SRRM2: variants seen among roughly 807,000 people sequenced by gnomAD.
SRRM2 encodes the protein serine/arginine repetitive matrix 2, also known as serine/arginine repetitive matrix protein 2.
A neutral mutation model predicts 213.8 loss-of-function variants in SRRM2; 30 were observed. The observed-to-expected ratio is 0.14, with a 90% confidence interval of 0.10 to 0.19. The LOEUF (loss-of-function observed/expected upper bound fraction) is 0.19, where lower values mean the gene tolerates loss of function less well. Among genes scored for constraint, SRRM2 ranks in the 10% least tolerant of loss-of-function variants. The pLI, the probability that SRRM2 is intolerant of heterozygous loss-of-function variation, is 1.00. For missense variants in SRRM2, 4,904 were observed against 3,647.0 expected, an observed-to-expected ratio of 1.34 and a Z score of -8.88; for synonymous variants, 2,025 against 1,377.7, an observed-to-expected ratio of 1.47 and a Z score of -10.40.
intron 1 of SRRM2, among the ~76,000 whole-genome samples, chr16:2,754,227 G>T (rs958853132): frequency 6.6e-6 from 1 of 151,752 alleles, no homozygotes; most frequent in Non-Finnish European, 1.5e-5. Flanking sequence ...GGACTAGGTG[G>T]CTCATTCCCT....
In SRRM2 at chr16:2,771,269, G is replaced by T. The variant is rs754379091; in HGVS notation, c.*402G>T. 33 of 778,354 alleles carry T rather than the reference G, an allele frequency of 4.2e-5. No homozygotes were observed. Among genetic ancestry groups the T allele is most frequent in the Non-Finnish European group, 7.0e-5 (32 of 456,810 alleles). 48.2% of individuals were successfully genotyped at this position (778,354 alleles called of 1,614,324 possible). ...TTCTTGGAAGGAAGGGGCAGGAGTT[G>T]GAATTAGTTGGTCCCTACTGTCCCC... On this transcript the variant is annotated 3_prime_UTR_variant, in exon 15 of 15. Coordinates refer to ENST00000301740, the MANE Select transcript of SRRM2 (RefSeq NM_016333.4).
chr16:2,756,974 G>A (rs1448239187), intron 2 of SRRM2, among the ~76,000 whole-genome samples: 1 of 152,192 alleles, frequency 6.6e-6, no homozygotes, highest in African/African-American at 2.4e-5. Context: ...ATAAATGGAT[G>A]TAAGGATTGA....
rs144129267 is a variant in SRRM2, at chr16:2,766,685, C to A, written c.6157C>A (p.Arg2053Ser). Residue 2053 changes from arginine (R) to serine (S), a missense_variant, in exon 11 of 15, where the codon CGC (arginine) becomes AGC (serine). Coordinates refer to ENST00000301740, the MANE Select transcript of SRRM2 (RefSeq NM_016333.4). This position sits in a 1 kb window ranked among gnomAD's most constrained non-coding sequence, Gnocchi z 7.0. ...TCGCTCACCACTTGCTATCCGCCGC[C>A]GCTCCAGATCCCGTACTCCACGAAC... is the stretch of plus-strand genomic sequence containing the variant. ...RSRSPLAIRRRSRSRTPRTAR... is the reference protein window; with the variant it reads ...RSRSPLAIRRSSRSRTPRTAR... 1 of 1,614,204 alleles carries A rather than the reference C, an allele frequency of 6.2e-7. No homozygotes were observed.
At position 2,769,247 on chromosome 16, in the gene SRRM2, C is replaced by T. The variant is rs1388903461; in HGVS notation, c.7984C>T (p.Pro2662Ser). The T allele has an allele frequency of 3.2e-6, 5 of 1,573,956 alleles. No individual in the cohort carries two copies. The highest frequency in any genetic ancestry group is 1.7e-4 in the Middle Eastern group (1 of 5,854). The change falls in exon 12 of 15, where the codon CCT becomes TCT. Residue 2662 changes from proline to serine, a missense_variant. Physicochemically the swap from Pro to Ser is moderately conservative, Grantham distance 74. Coordinates refer to ENST00000301740, the MANE Select transcript of SRRM2 (RefSeq NM_016333.4). The part of the protein sequence containing the change: ...AKPGPQALPK[P>S]ASPKKPPPGE... ...GCCTGGCCCTCAGGCCTTGCCCAAA[C>T]CTGCAAGCCCCAAGAAGCCACCCCC...
At chr16:2,757,409 T>C (rs2068183134) in intron 2 of SRRM2, 63 bp from the exon 3 acceptor site, 6 of 1,510,686 alleles carry the variant, frequency 4.0e-6, no homozygotes, top group Non-Finnish European at 5.5e-6. Context: ...ATGAGGGAAA[T>C]GGAAACCTGG....
rs1278079927 is a variant in SRRM2, at chr16:2,767,725, A to G, written c.7197A>G (p.Pro2399=). The change falls in exon 11 of 15, where the codon CCA becomes CCG. Residue 2399 remains proline (P), a synonymous_variant. Transcript: ENST00000301740. ...AGCGTGTCAGTGGCAGAACCTCACC[A>G]CCGCTCCTTGACCGAGCTAGGTCCA... is the stretch of plus-strand genomic sequence containing the variant. ...AYERVSGRTS[P]PLLDRARSRT... is the part of the protein sequence containing the mutation. 1 of 1,612,580 alleles carries G rather than the reference A, an allele frequency of 6.2e-7. No individual in the cohort carries two copies. The highest frequency in any genetic ancestry group is 1.7e-5 in the Admixed American group (1 of 59,760).
Position 2,766,549 on chromosome 16 carries a change from C to T in SRRM2, c.6021C>T (p.Arg2007=), listed in dbSNP as rs143282684. Residue 2007 remains arginine (R), a synonymous_variant, in exon 11 of 15, where the codon CGC becomes CGT. Transcript: ENST00000301740. The surrounding 1 kb of genome is among the most constrained non-coding windows in gnomAD (Gnocchi z 7.0). ...CTCCAGTAACTCGAAGAAGGTCCCG[C>T]TCTCGAACCTCACCAGTGACACGCC... is the stretch of plus-strand genomic sequence containing the variant. The part of the protein sequence containing the change: ...RTSPVTRRRS[R]SRTSPVTRRR... The T allele has an allele frequency of 2.2e-5, 36 of 1,613,724 alleles. No homozygotes were observed. Among genetic ancestry groups the T allele is most frequent in the African/African-American group, 2.7e-5 (2 of 74,882 alleles).
intron 1 of SRRM2, among the ~76,000 whole-genome samples, chr16:2,754,078 C>G (rs988545634): frequency 3.3e-5 from 5 of 152,114 alleles, no homozygotes; most frequent in African/African-American, 4.8e-5. Flanking sequence ...TTTTGCATAT[C>G]CACTGTCTAT....
intron 1 of SRRM2, among the ~76,000 whole-genome samples, chr16:2,755,971 G>C (rs2068126253): frequency 6.6e-6 from 1 of 152,140 alleles, no homozygotes; most frequent in Non-Finnish European, 1.5e-5. Context: ...TGTGCATTTT[G>C]GGGCCAAAGG....
chr16:2,763,384 A>G lies in SRRM2; in HGVS notation c.2856A>G (p.Ser952=), dbSNP rs757605458. The G allele has an allele frequency of 2.5e-6, 4 of 1,614,132 alleles. No homozygotes were observed. Among genetic ancestry groups the G allele is most frequent in the African/African-American group, 1.3e-5 (1 of 74,936 alleles). Residue 952 remains serine, a synonymous_variant, in exon 11 of 15, where the codon TCA becomes TCG. Coordinates refer to ENST00000301740, the MANE Select transcript of SRRM2 (RefSeq NM_016333.4). ...GAACAACTCCACGGCGAAGCAGATC[A>G]GTATCTCCCTGCTCCAATGTGGAAT... ...TSRTTPRRSR[S]VSPCSNVESR...
At chr16:2,770,552 T>C in intron 13 of SRRM2, 52 bp from the exon 14 acceptor site, 2 of 1,552,322 alleles carry the variant, frequency 1.3e-6, no homozygotes, top group South Asian at 2.4e-5. Flanking sequence ...TGTGGCTATG[T>C]GGTGCCTGAG....
At chr16:2,770,560 G>C in intron 13 of SRRM2, 44 bp from the exon 14 acceptor site, 1 of 1,551,264 alleles carries the variant, frequency 6.4e-7, no homozygotes, top group Non-Finnish European at 8.7e-7. Flanking sequence ...TGTGGTGCCT[G>C]AGGTGGTGCC....
chr16:2,758,589 T>A, intron 5 of SRRM2, 42 bp downstream of exon 5: 1 of 1,560,148 alleles, frequency 6.4e-7, no homozygotes, highest in Non-Finnish European at 8.8e-7. Flanking sequence ...AGAGGACCAA[T>A]CCTGTGGTGT....
Position 2,764,346 on chromosome 16 carries a change from A to T in SRRM2, c.3818A>T (p.Glu1273Val). 1 of 1,614,210 alleles carries T rather than the reference A, an allele frequency of 6.2e-7. No homozygotes were observed. ...ACAAGTAACTTTGAATCATCTCCTG[A>T]AGTAGAAGAAAGGCCTGCTGTGTCT... ...MSTSNFESSP[E>V]VEERPAVSLT... The change falls in exon 11 of 15, where the codon GAA (glutamate) becomes GTA (valine). Residue 1273 changes from glutamate (E) to valine (V), a missense_variant. Physicochemically the swap from Glu to Val is moderately radical, Grantham distance 121. Transcript: ENST00000301740.
rs2068468165 is a variant in SRRM2, at chr16:2,764,412, C to T, written c.3884C>T (p.Ala1295Val). Residue 1295 changes from alanine (A) to valine (V), a missense_variant, in exon 11 of 15, where the codon GCA (alanine) becomes GTA (valine). Physicochemically the swap from Ala to Val is moderately conservative, Grantham distance 64. Transcript: ENST00000301740. ...DQSQSQASLEAVEVPSMASSW... is the reference protein window; with the variant it reads ...DQSQSQASLEVVEVPSMASSW... ...AGCCAGTCACAGGCTTCTTTGGAAG[C>T]AGTAGAAGTCCCTTCAATGGCCTCA... The T allele has an allele frequency of 1.9e-6, 3 of 1,612,780 alleles. No individual in the cohort carries two copies. Among genetic ancestry groups the T allele is most frequent in the Admixed American group, 1.7e-5 (1 of 59,698 alleles).
rs960561969 is a variant in SRRM2 at position 2,770,610 on chromosome 16, C to A, written c.8142C>A (p.Ser2714Arg). Reference sequence around the variant, plus strand: ...TGTCTGTCCTGTGTTGCAGCAGCAGCAGTGAGCGGGGTTCCCGGAGAGGCC... The same window carrying A: ...TGTCTGTCCTGTGTTGCAGCAGCAGAAGTGAGCGGGGTTCCCGGAGAGGCC... ...QPSPRDQQSS[S>R]SERGSRRGQR... The change falls in exon 14 of 15, where the codon AGC (serine) becomes AGA (arginine). Residue 2714 changes from serine (S) to arginine (R), a missense_variant. Coordinates refer to ENST00000301740, the MANE Select transcript of SRRM2 (RefSeq NM_016333.4). 2 of 1,552,856 alleles carry A rather than the reference C, an allele frequency of 1.3e-6. No individual in the cohort carries two copies. Among genetic ancestry groups the A allele is most frequent in the African/African-American group, 2.7e-5 (2 of 73,164 alleles).
At position 2,762,638 on chromosome 16, in the gene SRRM2, A is replaced by G. The variant is rs1323964726; in HGVS notation, c.2110A>G (p.Ser704Gly). 4 of 1,614,194 alleles carry G rather than the reference A, an allele frequency of 2.5e-6. No homozygotes were observed. Among genetic ancestry groups the G allele is most frequent in the East Asian group, 2.2e-5 (1 of 44,890 alleles). Residue 704 changes from serine (S) to glycine (G), a missense_variant, in exon 11 of 15, where the codon AGT becomes GGT. Transcript: ENST00000301740. ...GACACCAAGACGAGGAAGATCCCGC[A>G]GTAGAAGCTTAGTTAGACGTGGAAG... The part of the protein sequence containing the change: ...SRTPRRGRSR[S>G]RSLVRRGRSH...
chr16:2,770,101 C>G (rs2068689127), intron 12 of SRRM2: 4 of 1,391,424 alleles, frequency 2.9e-6, no homozygotes, highest in Admixed American at 5.9e-5. Context: ...GCGTGCCTTT[C>G]TTCACCACTG....
chr16:2,757,627 C>T, intron 3 of SRRM2, 48 bp downstream of exon 3: 3 of 1,586,508 alleles, frequency 1.9e-6, no homozygotes, highest in Non-Finnish European at 2.6e-6. Context: ...ACTCTGGCTG[C>T]TGGCTGCTGC....
Sources: allele counts gnomAD v4.1 joint callset (sites outside exome capture counted in the v4.1 genomes callset), GRCh38; gene constraint gnomAD v4.1.1; non-coding constraint Gnocchi (gnomAD v3.1); transcripts MANE v1.5; gene names NCBI Gene and HGNC (gene_info 2026-07-23, HGNC 2026-07-21).